PPM1D: variants seen among roughly 807,000 people sequenced by gnomAD.
PPM1D encodes the protein protein phosphatase 1D.
A neutral mutation model predicts 58.3 loss-of-function variants in PPM1D; 52 were observed. The observed-to-expected ratio is 0.89, with a 90% CI of 0.71 to 1.12. The LOEUF (loss-of-function observed/expected upper bound fraction) is 1.12, where lower values mean the gene tolerates loss of function less well. Ranked by LOEUF, PPM1D falls within the 50% of genes most tolerant of loss-of-function variation. PPM1D has a pLI of 0.00. For synonymous variants in PPM1D, 278 were observed against 285.1 expected (o/e 0.98, Z 0.25); for missense variants, 564 against 777.2 (o/e 0.73, Z 3.26).
chr17:60,635,809 G>T (rs1268074289), intron 3 of PPM1D, among the ~76,000 whole-genome samples: 1 of 152,110 alleles, frequency 6.6e-6, no homozygotes, highest in African/African-American at 2.4e-5. Flanking sequence ...ATTATCCCAG[G>T]TTATTACAGT....
intron 4 of PPM1D, among the ~76,000 whole-genome samples, chr17:60,653,385 A>G (rs1031036779): frequency 7.2e-5 from 11 of 152,100 alleles, no homozygotes; most frequent in African/African-American, 2.2e-4. Flanking sequence ...GTTCTGTTCC[A>G]TTGGTCTATG....
In PPM1D at chr17:60,622,918, G is replaced by A. The variant is rs1409655538; in HGVS notation, c.473-603G>A. ...TTGAGACCAGCCTGACCAACATGGC[G>A]AAACCCCATCTCTACTAAAAATACA... On this transcript the variant is annotated intron_variant, in intron 1 of 5. Coordinates refer to ENST00000305921, the MANE Select transcript of PPM1D (RefSeq NM_003620.4). Among the ~76,000 whole-genome samples, 4 of 152,280 alleles carry A rather than the reference G, an allele frequency of 2.6e-5. No individual in the cohort carries two copies. The East Asian group carries it at 5.8e-4, about 22-fold the overall frequency.
chr17:60,643,463 G>A (rs1567973875), intron 3 of PPM1D, among the ~76,000 whole-genome samples: 1 of 152,094 alleles, frequency 6.6e-6, no homozygotes, highest in Non-Finnish European at 1.5e-5. Context: ...GCTAATAAAT[G>A]TAGTTAGAAT....
At chr17:60,660,027 C>T (rs1181905819) in intron 5 of PPM1D, among the ~76,000 whole-genome samples, 1 of 151,974 alleles carries the variant, frequency 6.6e-6, no homozygotes, top group Non-Finnish European at 1.5e-5. Context: ...ATGGTGAAAC[C>T]CTGTTTCTAC....
chr17:60,621,952 C>A (rs1376015734), intron 1 of PPM1D, among the ~76,000 whole-genome samples: 1 of 149,212 alleles, frequency 6.7e-6, no homozygotes, highest in Non-Finnish European at 1.5e-5. Flanking sequence ...CTTTGGGAGG[C>A]CAAGGCGGGC....
At chr17:60,619,481 G>A (rs1255886849) in intron 1 of PPM1D, among the ~76,000 whole-genome samples, 1 of 152,110 alleles carries the variant, frequency 6.6e-6, no homozygotes, top group African/African-American at 2.4e-5. Context: ...TAATAGCTAT[G>A]CCAATTTACA....
chr17:60,645,528 A>ATGTG (rs1353935513), intron 3 of PPM1D, among the ~76,000 whole-genome samples: 1 of 135,966 alleles, frequency 7.4e-6, no homozygotes, highest in African/African-American at 2.9e-5. Context: ...ATATGTATAT[A>ATGTG]TATATGTGTA....
intron 3 of PPM1D, among the ~76,000 whole-genome samples, chr17:60,639,366 C>T (rs2031089324): frequency 1.3e-5 from 2 of 152,094 alleles, no homozygotes; most frequent in Non-Finnish European, 2.9e-5. Flanking sequence ...CCCGCCTCAG[C>T]CACCTAAAGT....
chr17:60,614,188 G>A (rs151256684), intron 1 of PPM1D, among the ~76,000 whole-genome samples: 56 of 152,306 alleles, frequency 3.7e-4, no homozygotes, highest in African/African-American at 1.3e-3. Flanking sequence ...CTCGAGGTTT[G>A]TAAACACGCC....
chr17:60,663,389 G>T lies in PPM1D; in HGVS notation c.1655G>T (p.Arg552Leu), dbSNP rs760201595. The T allele has an allele frequency of 8.1e-6, 13 of 1,613,988 alleles. No homozygotes were observed. The highest frequency in any genetic ancestry group is 3.3e-5 in the Admixed American group (2 of 59,986). Residue 552 changes from arginine (R) to leucine (L), a missense_variant, in exon 6 of 6, where the codon CGA (arginine) becomes CTA (leucine). Arg to Leu is a moderately radical substitution (Grantham distance 102, BLOSUM62 -2). This residue lies in a region of PPM1D where 261 missense variants were observed against 270.1 expected (regional missense o/e 0.97). Coordinates refer to ENST00000305921, the MANE Select transcript of PPM1D (RefSeq NM_003620.4). ...NSGPLMKKHR[R>L]NGLSRSSGAQ... ...GGCCCCCTGATGAAGAAGCATAGAC[G>T]AAATGGCTTAAGTCGAAGTAGTGGT...
intron 1 of PPM1D, among the ~76,000 whole-genome samples, chr17:60,601,589 CT>C (rs1264059271): frequency 6.6e-6 from 1 of 152,092 alleles, no homozygotes; most frequent in Non-Finnish European, 1.5e-5. Flanking sequence ...CTTGGGTTTT[CT>C]TTTTGGAAAT....
At chr17:60,629,522 G>A (rs2030876823) in intron 2 of PPM1D, among the ~76,000 whole-genome samples, 1 of 152,156 alleles carries the variant, frequency 6.6e-6, no homozygotes, top group African/African-American at 2.4e-5. Context: ...ATTTGATCTT[G>A]TGATTGTGAA....
intron 5 of PPM1D, chr17:60,657,152 C>T (rs979961781): frequency 1.7e-5 from 19 of 1,094,768 alleles, no homozygotes; most frequent in African/African-American, 8.2e-5. Flanking sequence ...ATTTGAATCT[C>T]GTAGCCCAGA....
At chr17:60,615,144 C>T (rs541921900) in intron 1 of PPM1D, among the ~76,000 whole-genome samples, 4 of 152,282 alleles carry the variant, frequency 2.6e-5, no homozygotes, top group Non-Finnish European at 5.9e-5. Flanking sequence ...CACCTCTAAT[C>T]CCAACACTTT....
intron 1 of PPM1D, among the ~76,000 whole-genome samples, chr17:60,613,721 G>A (rs1209410495): frequency 1.3e-5 from 2 of 152,208 alleles, no homozygotes; most frequent in Non-Finnish European, 2.9e-5. Context: ...GCCAGCTGGC[G>A]CTGCTGGCCG....
rs2031574864 is a variant in PPM1D, at chr17:60,663,805, C to T, written c.*253C>T. 6.8e-6 allele frequency: 3 copies of T among 438,594 alleles called. No homozygotes were observed. Among genetic ancestry groups the T allele is most frequent in the East Asian group, 8.2e-5 (2 of 24,416 alleles). 27.2% of individuals were successfully genotyped at this position (438,594 alleles called of 1,614,324 possible). A position where few individuals can be genotyped will look rare whatever the true frequency, so the allele number is the denominator to read the frequency against. The stretch of plus-strand genomic sequence containing the variant: ...CACACAAATTCAGTCTCTGAATACA[C>T]AGTATTCAGAGTCTCTGATACACAG... On this transcript the variant is annotated 3_prime_UTR_variant, in exon 6 of 6. Transcript: ENST00000305921.
intron 3 of PPM1D, among the ~76,000 whole-genome samples, chr17:60,646,796 G>A (rs1392957903): frequency 6.6e-6 from 1 of 152,184 alleles, no homozygotes; most frequent in African/African-American, 2.4e-5. Flanking sequence ...TTTATGTGGA[G>A]CTAATCAAGG....
chr17:60,651,432 T>C (rs1431000150), intron 4 of PPM1D, among the ~76,000 whole-genome samples: 2 of 150,580 alleles, frequency 1.3e-5, no homozygotes, highest in East Asian at 2.0e-4. Flanking sequence ...GTAATCTCGC[T>C]GTGTTGCCAG....
intron 5 of PPM1D, among the ~76,000 whole-genome samples, chr17:60,661,214 C>T (rs1017826937): frequency 2.7e-5 from 3 of 109,812 alleles, no homozygotes; most frequent in African/African-American, 8.5e-5. Context: ...AGCGAAACTC[C>T]ATCTCAAAAA....
Sources: gnomAD v4.1 joint callset for allele counts (sites outside exome capture counted in the v4.1 genomes callset) on GRCh38, gnomAD v4.1.1 for gene constraint, gnomAD v4.1.1 regional missense constraint, MANE v1.5 for transcripts, NCBI Gene and HGNC (gene_info 2026-07-23, HGNC 2026-07-21) for gene names.